The following PCDHGA10 variants were observed in gnomAD, a reference collection of about 807,000 sequenced individuals.
The protein encoded by PCDHGA10 is protocadherin gamma subfamily A, 10.
A neutral mutation model predicts 59.5 loss-of-function variants in PCDHGA10; 42 were observed. The ratio of observed to expected loss-of-function variants is 0.71; its 90% CI spans 0.55 to 0.91. The LOEUF (loss-of-function observed/expected upper bound fraction) is 0.91. PCDHGA10 is among the 40% of genes least tolerant of loss of function. The pLI is 0.00. For missense variants in PCDHGA10, 1,111 were observed against 1,198.2 expected, an observed-to-expected ratio of 0.93 and a Z score of 1.07; for synonymous variants, 511 against 517.2, an observed-to-expected ratio of 0.99 and a Z score of 0.16.
In PCDHGA10 at chr5:141,453,101, TTTTTG is replaced by T. The variant is rs879618609; in HGVS notation, c.2436+37515_2436+37519del. ...GTTGATTAGTATATTTTCTGTTGCT[TTTTTG>T]TTTTGTTTTGTTTTGTTTTGTTTTT... On this transcript the variant is annotated intron_variant, in intron 1 of 3. Transcript: ENST00000398610. 4.4e-4 allele frequency among the ~76,000 whole-genome samples: 67 copies of T among 152,130 alleles called. 1 individual carries two copies. Among genetic ancestry groups the T allele is most frequent in the African/African-American group, 1.4e-3 (58 of 41,484 alleles).
intron 1 of PCDHGA10, chr5:141,427,983 C>T (rs1390934748): frequency 1.3e-6 from 2 of 1,596,840 alleles, no homozygotes; most frequent in Admixed American, 1.7e-5. Flanking sequence ...CGCGCTGGGG[C>T]CCGATGGCTC....
At chr5:141,461,501 T>G (rs113852528) in intron 1 of PCDHGA10, among the ~76,000 whole-genome samples, 1 of 152,310 alleles carries the variant, frequency 6.6e-6, no homozygotes, top group South Asian at 2.1e-4. Flanking sequence ...TTATTTTTCT[T>G]GGTGATTTGT....
At chr5:141,436,676 G>T (rs1019010328) in intron 1 of PCDHGA10, among the ~76,000 whole-genome samples, 1 of 152,238 alleles carries the variant, frequency 6.6e-6, no homozygotes, top group African/African-American at 2.4e-5. Flanking sequence ...ACCAAAAAAA[G>T]GATTTATATT....
Position 141,486,639 on chromosome 5 carries a change from T to G in PCDHGA10, c.2437-8168T>G, listed in dbSNP as rs1250700423. ...GACCCAGACTCTGGCTTGAATGCGC[T>G]TATCTCCTACTCACTCCTGGAGCCC... On this transcript the variant is annotated intron_variant, in intron 1 of 3. Transcript: ENST00000398610. The surrounding 1 kb of genome is among the most constrained non-coding windows in gnomAD (Gnocchi z 5.0). The G allele has an allele frequency of 6.2e-7, 1 of 1,613,818 alleles. No individual in the cohort carries two copies. The highest frequency in any genetic ancestry group is 1.1e-5 in the South Asian group (1 of 91,084).
intron 1 of PCDHGA10, chr5:141,475,816 C>A (rs1051857446): frequency 1.5e-5 from 5 of 342,872 alleles, no homozygotes; most frequent in Admixed American, 9.0e-5. Context: ...AGTGAAGTTC[C>A]TGGCGCTAGC....
At chr5:141,500,436 C>G (rs1318326111) in intron 2 of PCDHGA10, among the ~76,000 whole-genome samples, 2 of 151,836 alleles carry the variant, frequency 1.3e-5, no homozygotes, top group African/African-American at 2.4e-5. Flanking sequence ...GTCTCGATCT[C>G]CTGACCTCGT....
At chr5:141,498,137 G>T (rs1319960274) in intron 2 of PCDHGA10, among the ~76,000 whole-genome samples, 1 of 152,204 alleles carries the variant, frequency 6.6e-6, no homozygotes, top group Non-Finnish European at 1.5e-5. Context: ...GGAGCAGGAG[G>T]ACATCCTGGA....
In PCDHGA10 at chr5:141,414,143, T is replaced by C. The variant is rs887054185; in HGVS notation, c.968T>C (p.Ile323Thr). ...GAAACCGGTTTCTATGAAATAGAAA[T>C]ACAAGCAGAAGATGGAGGAGCATAT... ...YEETGFYEIE[I>T]QAEDGGAYLA... The change falls in exon 1 of 4, where the codon ATA becomes ACA. Residue 323 changes from isoleucine to threonine, a missense_variant. By Grantham distance (89) the Ile-to-Thr change is moderately conservative (BLOSUM62 -1). Transcript: ENST00000398610. 6.3e-7 allele frequency: 1 copy of C among 1,597,122 alleles called. No homozygotes were observed. The highest frequency in any genetic ancestry group is 8.5e-7 in the Non-Finnish European group (1 of 1,171,480).
chr5:141,433,245 A>C, intron 1 of PCDHGA10: 3 of 1,459,776 alleles, frequency 2.1e-6, no homozygotes, highest in Non-Finnish European at 2.8e-6. Context: ...CCAAGCTGGA[A>C]TGCAGCGGTA....
At chr5:141,461,740 G>A (rs770518286) in intron 1 of PCDHGA10, among the ~76,000 whole-genome samples, 4 of 152,072 alleles carry the variant, frequency 2.6e-5, no homozygotes, top group Non-Finnish European at 2.9e-5. Context: ...GCACAATCCC[G>A]GCTCCCAGAT....
At chr5:141,500,568 T>C (rs1562196424) in intron 2 of PCDHGA10, among the ~76,000 whole-genome samples, 2 of 152,190 alleles carry the variant, frequency 1.3e-5, no homozygotes, top group Admixed American at 6.5e-5. Context: ...CTTGTCACAC[T>C]TTCATGTGAC....
At chr5:141,433,641 G>C (rs1177387884) in intron 1 of PCDHGA10, among the ~76,000 whole-genome samples, 1 of 152,104 alleles carries the variant, frequency 6.6e-6, no homozygotes, top group Admixed American at 6.5e-5. Flanking sequence ...TTTGAGACCA[G>C]CCTGACCAAC....
chr5:141,460,346 ATTTTC>A (rs1049715417), intron 1 of PCDHGA10, among the ~76,000 whole-genome samples: 6 of 151,964 alleles, frequency 3.9e-5, no homozygotes, highest in Non-Finnish European at 8.8e-5. Flanking sequence ...TTTCTCCTAT[ATTTTC>A]TTTTAGAAGT....
In PCDHGA10 at chr5:141,476,659, G is replaced by A; in HGVS notation, c.2437-18148G>A. On this transcript the variant is annotated intron_variant, in intron 1 of 3. Coordinates refer to ENST00000398610, the MANE Select transcript of PCDHGA10 (RefSeq NM_018913.3). The surrounding 1 kb of genome is among the most constrained non-coding windows in gnomAD (Gnocchi z 7.6). ...AGCTGAGCCGAAATGAATACTTTGC[G>A]CTTCGCGTGCAGACGCGGGAGGACA... 2 of 1,614,252 alleles carry A rather than the reference G, an allele frequency of 1.2e-6. No homozygotes were observed. Among genetic ancestry groups the A allele is most frequent in the Non-Finnish European group, 8.5e-7 (1 of 1,180,048 alleles).
At position 141,491,969 on chromosome 5, in the gene PCDHGA10, C is replaced by A; in HGVS notation, c.2437-2838C>A. ...CCCCTACACTCAAAAAAGGCCGGGGCCTCCTTCGAGCTTCCGGTGAATTTC... is the reference window on the plus strand; with the variant it reads ...CCCCTACACTCAAAAAAGGCCGGGGACTCCTTCGAGCTTCCGGTGAATTTC... On this transcript the variant is annotated intron_variant, in intron 1 of 3. Coordinates refer to ENST00000398610, the MANE Select transcript of PCDHGA10 (RefSeq NM_018913.3). The surrounding 1 kb of genome is among the most constrained non-coding windows in gnomAD (Gnocchi z 6.9). 1 of 898,714 alleles carries A rather than the reference C, an allele frequency of 1.1e-6. No individual in the cohort carries two copies. Among genetic ancestry groups the A allele is most frequent in the Non-Finnish European group, 1.6e-6 (1 of 629,384 alleles). 55.7% of individuals were successfully genotyped at this position (898,714 alleles called of 1,614,324 possible). A position where few individuals can be genotyped will look rare whatever the true frequency, so the allele number is the denominator to read the frequency against.
Position 141,489,640 on chromosome 5 carries a change from G to A in PCDHGA10, c.2437-5167G>A. The A allele has an allele frequency of 1.2e-6, 2 of 1,614,146 alleles. No individual in the cohort carries two copies. Among genetic ancestry groups the A allele is most frequent in the Non-Finnish European group, 1.7e-6 (2 of 1,180,010 alleles). Reference sequence around the variant, plus strand: ...TCTCAATGACAACTCTCCTAGCTTTGCCACCCCTGAGCGAGAGATGCGCAT... The same window carrying A: ...TCTCAATGACAACTCTCCTAGCTTTACCACCCCTGAGCGAGAGATGCGCAT... On this transcript the variant is annotated intron_variant, in intron 1 of 3. Transcript: ENST00000398610. The surrounding 1 kb of genome is among the most constrained non-coding windows in gnomAD (Gnocchi z 4.5).
chr5:141,424,319 G>A (rs1014361496), intron 1 of PCDHGA10: 1 of 152,006 alleles, frequency 6.6e-6, no homozygotes, highest in African/African-American at 2.4e-5. Context: ...ATATTGACTG[G>A]CTTTTAACTA....
Position 141,490,282 on chromosome 5 carries a change from C to T in PCDHGA10, c.2437-4525C>T, listed in dbSNP as rs763429413. 1.2e-6 allele frequency: 2 copies of T among 1,614,194 alleles called. No individual in the cohort carries two copies. The highest frequency in any genetic ancestry group is 1.7e-6 in the Non-Finnish European group (2 of 1,180,036). ...TGTGGGGGATGTCAATGACAATGCC[C>T]CAGAGGTGCTATTGGCCTCTTTGGC... On this transcript the variant is annotated intron_variant, in intron 1 of 3. Transcript: ENST00000398610. This position sits in a 1 kb window ranked among gnomAD's most constrained non-coding sequence, Gnocchi z 5.4.
At chr5:141,482,530 CAAAAAAAAA>C (rs3074545) in intron 1 of PCDHGA10, among the ~76,000 whole-genome samples, 16 of 76,560 alleles carry the variant, frequency 2.1e-4, no homozygotes, top group African/African-American at 7.7e-4. Context: ...GACAGACATG[CAAAAAAAAA>C]AAAAAAAAAA....
Sources: allele counts gnomAD v4.1 joint callset (sites outside exome capture counted in the v4.1 genomes callset), GRCh38; gene constraint gnomAD v4.1.1; non-coding constraint Gnocchi (gnomAD v3.1); transcripts MANE v1.5; gene names NCBI Gene and HGNC (gene_info 2026-07-23, HGNC 2026-07-21).